The following NEO1 variants were observed in gnomAD, a reference collection of about 807,000 sequenced individuals.
NEO1 encodes neogenin.
NEO1 carries 63 observed loss-of-function variants against 159.7 expected under a neutral mutation model. The observed-to-expected ratio is 0.39, with a 90% confidence interval of 0.32 to 0.49. The LOEUF is 0.49. Among genes scored for constraint, NEO1 ranks in the 20% least tolerant of loss-of-function variants. The probability of loss-of-function intolerance (pLI) is 0.85; values close to 1 mark genes in which losing one functional copy is unlikely to be tolerated. For synonymous variants in NEO1, 633 were observed against 662.0 expected (o/e 0.96, Z 0.67); for missense variants, 1,615 against 1,831.0 (o/e 0.88, Z 2.15).
At chr15:73,244,634 G>A (rs1227414534) in intron 9 of NEO1, 136 bp downstream of exon 9, 21 of 933,022 alleles carry the variant, frequency 2.3e-5, no homozygotes, top group Non-Finnish European at 3.2e-5. Context: ...AATTAGGGGA[G>A]GCAAAATTAA....
intron 2 of NEO1, among the ~76,000 whole-genome samples, chr15:73,122,138 CTA>C (rs1192161445): frequency 3.3e-5 from 4 of 119,462 alleles, no homozygotes; most frequent in Non-Finnish European, 5.3e-5. Context: ...TGAATAAAGA[CTA>C]GACAAAATGT....
intron 25 of NEO1, among the ~76,000 whole-genome samples, chr15:73,291,874 T>G (rs1031627332): frequency 6.6e-6 from 1 of 152,212 alleles, no homozygotes; most frequent in African/African-American, 2.4e-5. Flanking sequence ...AAATTGTACT[T>G]TCCTAGGTAA....
At chr15:73,197,734 G>T (rs1358700819) in intron 7 of NEO1, among the ~76,000 whole-genome samples, 1 of 145,254 alleles carries the variant, frequency 6.9e-6, no homozygotes, top group Non-Finnish European at 1.5e-5. Flanking sequence ...AGGCTGGAGT[G>T]CAGTGGCGCA....
chr15:73,299,573 G>T (rs566268240), intron 27 of NEO1, among the ~76,000 whole-genome samples: 1 of 152,202 alleles, frequency 6.6e-6, no homozygotes, highest in Admixed American at 6.5e-5. Flanking sequence ...ATTTAGTAGA[G>T]ACGGGGTTTC....
At chr15:73,169,681 G>T (rs59066156) in intron 5 of NEO1, among the ~76,000 whole-genome samples, 44,098 of 119,580 alleles carry the variant, frequency 0.37, 8,177 homozygotes, top group Admixed American at 0.53. Flanking sequence ...GGCTTTTGCT[G>T]TGTTTTCCAG....
rs2042607979 is a variant in NEO1, at chr15:73,301,431, A to G, written c.4276A>G (p.Thr1426Ala). 2.5e-6 allele frequency: 4 copies of G among 1,614,218 alleles called. No homozygotes were observed. The highest frequency in any genetic ancestry group is 1.1e-5 in the South Asian group (1 of 91,086). ...VPSAPEVQET[T>A]RMLEDSESSY... The stretch of plus-strand genomic sequence containing the variant: ...CAGTGCCCCTGAAGTGCAGGAGACC[A>G]CAAGGATGTTGGAAGACTCCGAGAG... The change falls in exon 28 of 29, where the codon ACA becomes GCA. Residue 1426 changes from threonine to alanine, a missense_variant. By Grantham distance (58) the Thr-to-Ala change is moderately conservative. Around this residue, in one of 3 missense-constraint regions of NEO1, gnomAD observed 471 missense variants for 498.9 expected, o/e 0.94. Transcript: ENST00000261908.
chr15:73,274,842 C>T lies in NEO1; in HGVS notation c.3193+118C>T, dbSNP rs543853459. On this transcript the variant is annotated intron_variant, in intron 21 of 28. Coordinates refer to ENST00000261908, the MANE Select transcript of NEO1 (RefSeq NM_002499.4). The stretch of plus-strand genomic sequence containing the variant: ...AAAAATCAGCACCATGTGTTAAAAG[C>T]CACACAGTTATTGGCCAAAGTAGAG... The T allele has an allele frequency of 8.9e-6, 9 of 1,010,296 alleles. No individual in the cohort carries two copies. The African/African-American group carries it at 1.3e-4, about 15-fold the overall frequency. 62.6% of individuals were successfully genotyped at this position (1,010,296 alleles called of 1,614,324 possible). A position where few individuals can be genotyped will look rare whatever the true frequency, so the allele number is the denominator to read the frequency against.
intron 1 of NEO1, among the ~76,000 whole-genome samples, chr15:73,054,510 T>G (rs2067610632): frequency 6.6e-6 from 1 of 152,158 alleles, no homozygotes; most frequent in Non-Finnish European, 1.5e-5. Flanking sequence ...GATTATATAA[T>G]TAAGTAATTG....
At position 73,122,550 on chromosome 15, in the gene NEO1, A is replaced by G; in HGVS notation, c.474A>G (p.Pro158=). The change falls in exon 3 of 29, where the codon CCA becomes CCG. Residue 158 remains proline (P), a synonymous_variant. Transcript: ENST00000261908. ...GTCTTCCAAGATTTACCAGCCAACC[A>G]GAACCTTCCTCAGTTTATGCTGGGA... ...VAGLPRFTSQ[P]EPSSVYAGNN... 1.2e-6 allele frequency: 2 copies of G among 1,614,138 alleles called. No individual in the cohort carries two copies. Among genetic ancestry groups the G allele is most frequent in the Non-Finnish European group, 1.7e-6 (2 of 1,179,990 alleles).
chr15:73,213,780 T>A (rs1353328932), intron 7 of NEO1, among the ~76,000 whole-genome samples: 1 of 152,236 alleles, frequency 6.6e-6, no homozygotes, highest in Non-Finnish European at 1.5e-5. Context: ...TCTGGGTAGA[T>A]ACCCAGTAGT....
In NEO1 at chr15:73,289,170, C is replaced by A. The variant is rs770750698; in HGVS notation, c.3674C>A (p.Ser1225Tyr). The change falls in exon 25 of 29, where the codon TCT becomes TAT. Residue 1225 changes from serine to tyrosine, a missense_variant. Ser to Tyr is a moderately radical substitution (Grantham distance 144). Transcript: ENST00000261908. Reference protein sequence around the residue: ...YRGHESEDSMSTLAGRRGMRP... With the variant: ...YRGHESEDSMYTLAGRRGMRP... Reference sequence around the variant, plus strand: ...GGGCATGAGTCAGAGGACAGCATGTCTACACTGGCTGGAAGGCGAGGAATG... The same window carrying A: ...GGGCATGAGTCAGAGGACAGCATGTATACACTGGCTGGAAGGCGAGGAATG... 6.2e-7 allele frequency: 1 copy of A among 1,614,122 alleles called. No homozygotes were observed. The highest frequency in any genetic ancestry group is 1.3e-5 in the African/African-American group (1 of 75,034).
intron 1 of NEO1, among the ~76,000 whole-genome samples, chr15:73,096,915 A>G (rs970747710): frequency 6.6e-6 from 1 of 152,176 alleles, no homozygotes; most frequent in Non-Finnish European, 1.5e-5. Flanking sequence ...GCTTGAGCAC[A>G]GGAGTTCATG....
intron 1 of NEO1, among the ~76,000 whole-genome samples, chr15:73,068,517 C>G (rs2068352981): frequency 6.6e-6 from 1 of 152,060 alleles, no homozygotes; most frequent in African/African-American, 2.4e-5. Flanking sequence ...TGGTGTGTTT[C>G]TGTCCCTCAT....
intron 4 of NEO1, among the ~76,000 whole-genome samples, chr15:73,131,505 C>T (rs1017518004): frequency 6.6e-6 from 1 of 152,184 alleles, no homozygotes; most frequent in Admixed American, 6.5e-5. Flanking sequence ...TTCTCCGTTT[C>T]TTTATCTGAT....
At chr15:73,229,390 T>C (rs1022565595) in intron 7 of NEO1, among the ~76,000 whole-genome samples, 7 of 151,968 alleles carry the variant, frequency 4.6e-5, no homozygotes, top group Admixed American at 6.5e-5. Context: ...TCCTAAAATA[T>C]AGAACTACAG....
intron 19 of NEO1, 52 bp downstream of exon 19, chr15:73,272,614 GAGTATTC>G: frequency 4.7e-6 from 6 of 1,273,472 alleles, no homozygotes; most frequent in Non-Finnish European, 6.8e-6. Context: ...TGCCTGACAG[GAGTATTC>G]CAGGAGAGTA....
chr15:73,206,571 A>G (rs1001217965), intron 7 of NEO1, among the ~76,000 whole-genome samples: 6 of 152,154 alleles, frequency 3.9e-5, no homozygotes, highest in Non-Finnish European at 7.4e-5. Flanking sequence ...GGCTCAGACT[A>G]TCCAAAAATA....
intron 5 of NEO1, among the ~76,000 whole-genome samples, chr15:73,161,413 A>C (rs1473141752): frequency 1.3e-5 from 2 of 152,172 alleles, no homozygotes; most frequent in East Asian, 3.8e-4. Flanking sequence ...ACATATTTGC[A>C]TCTATAGTTG....
intron 5 of NEO1, among the ~76,000 whole-genome samples, chr15:73,150,953 C>T (rs1048144746): frequency 3.3e-5 from 5 of 152,160 alleles, no homozygotes; most frequent in Non-Finnish European, 7.4e-5. Context: ...TGAGGTCCAT[C>T]CATGTTGCTG....
Sources: allele counts gnomAD v4.1 joint callset (sites outside exome capture counted in the v4.1 genomes callset), GRCh38; gene constraint gnomAD v4.1.1; regional missense constraint gnomAD v4.1.1; transcripts MANE v1.5; gene names NCBI Gene and HGNC (gene_info 2026-07-23, HGNC 2026-07-21).